LINGO2: variants seen among roughly 807,000 people sequenced by gnomAD.
The protein encoded by LINGO2 is leucine-rich repeat and immunoglobulin-like domain-containing nogo receptor-interacting protein 2.
LINGO2 carries 14 observed loss-of-function variants against 30.6 expected under a neutral mutation model. The observed-to-expected ratio is 0.46, with a 90% confidence interval of 0.30 to 0.72. The LOEUF (loss-of-function observed/expected upper bound fraction) is 0.72, where lower values mean the gene tolerates loss of function less well. Ranked by LOEUF, LINGO2 falls within the 30% of genes least tolerant of loss-of-function variation. The probability of loss-of-function intolerance (pLI) is 0.07; values close to 1 mark genes in which losing one functional copy is unlikely to be tolerated. For missense variants in LINGO2, 729 were observed against 751.7 expected (o/e 0.97, Z 0.35); for synonymous variants, 317 against 288.5 (o/e 1.10, Z -1.00).
chr9:28,609,093 A>C (rs1825806555), intron 1 of LINGO2, among the ~76,000 whole-genome samples: 1 of 151,842 alleles, frequency 6.6e-6, no homozygotes, highest in South Asian at 2.1e-4. Flanking sequence ...GAAATCTAGA[A>C]CATATGCATC....
chr9:28,730,262 G>A, the LINGO2 span, among the ~76,000 whole-genome samples: 158 of 152,222 alleles, frequency 1.0e-3, no homozygotes, highest in African/African-American at 3.2e-3. Context: ...GATAAGAGGC[G>A]TGTACAGACA....
chr9:28,647,426 T>G (rs1040900498), intron 1 of LINGO2, among the ~76,000 whole-genome samples: 45 of 152,266 alleles, frequency 3.0e-4, no homozygotes, highest in African/African-American at 1.0e-3. Flanking sequence ...TCGGTGAGCT[T>G]TTGTGAGTGA....
At chr9:27,964,251 A>T (rs1034266771) in intron 5 of LINGO2, among the ~76,000 whole-genome samples, 6 of 151,998 alleles carry the variant, frequency 3.9e-5, no homozygotes, top group Admixed American at 3.9e-4. Context: ...ATTATAACAT[A>T]TTTTTTTCTA....
chr9:28,706,227 C>A, the LINGO2 span, among the ~76,000 whole-genome samples: 5 of 152,042 alleles, frequency 3.3e-5, no homozygotes, highest in Non-Finnish European at 7.4e-5. Flanking sequence ...CGGTTTCAAA[C>A]AGTGCATTTA....
the LINGO2 span, among the ~76,000 whole-genome samples, chr9:29,136,138 A>G: frequency 6.6e-6 from 1 of 152,112 alleles, no homozygotes; most frequent in African/African-American, 2.4e-5. Context: ...ACTTGTCCCA[A>G]TTTCAAGTAA....
chr9:27,996,016 G>T (rs532256138), intron 5 of LINGO2, among the ~76,000 whole-genome samples: 21 of 151,966 alleles, frequency 1.4e-4, no homozygotes, highest in South Asian at 2.1e-4. Flanking sequence ...ATTCAGTAAG[G>T]TTGCAGTAAA....
chr9:27,958,709 T>C (rs976618148), intron 5 of LINGO2, among the ~76,000 whole-genome samples: 2 of 152,154 alleles, frequency 1.3e-5, no homozygotes, highest in African/African-American at 4.8e-5. Context: ...TTGTAGGGTT[T>C]GGTAGTATCT....
chr9:28,887,914 A>G, the LINGO2 span, among the ~76,000 whole-genome samples: 7 of 152,164 alleles, frequency 4.6e-5, no homozygotes, highest in Non-Finnish European at 1.5e-5. Context: ...TAAAGGCTGC[A>G]CATTGTTTTA....
intron 4 of LINGO2, among the ~76,000 whole-genome samples, chr9:28,294,776 T>C (rs1443799828): frequency 6.6e-6 from 1 of 152,334 alleles, no homozygotes; most frequent in East Asian, 1.9e-4. Flanking sequence ...TATAATCTTC[T>C]GAATTGGAGT....
the LINGO2 span, among the ~76,000 whole-genome samples, chr9:28,714,697 T>C: frequency 6.6e-6 from 1 of 152,170 alleles, no homozygotes; most frequent in Admixed American, 6.6e-5. Flanking sequence ...GATAGTATAA[T>C]TAATTTTCCA....
chr9:28,875,475 A>G, the LINGO2 span, among the ~76,000 whole-genome samples: 1 of 152,258 alleles, frequency 6.6e-6, no homozygotes, highest in African/African-American at 2.4e-5. Flanking sequence ...CTCAAGAAAT[A>G]TAACAATACC....
intron 4 of LINGO2, among the ~76,000 whole-genome samples, chr9:28,160,692 T>G (rs1828260906): frequency 1.3e-5 from 2 of 152,198 alleles, no homozygotes; most frequent in Non-Finnish European, 2.9e-5. Flanking sequence ...TAAAGAACAG[T>G]AATTTTTTCC....
At chr9:27,981,471 G>A (rs1353578637) in intron 5 of LINGO2, among the ~76,000 whole-genome samples, 2 of 137,278 alleles carry the variant, frequency 1.5e-5, no homozygotes, top group Admixed American at 1.6e-4. Context: ...CAGAATGAGG[G>A]TTATTTTGAA....
At chr9:29,144,422 C>T in the LINGO2 span, among the ~76,000 whole-genome samples, 1 of 151,586 alleles carries the variant, frequency 6.6e-6, no homozygotes, top group Non-Finnish European at 1.5e-5. Flanking sequence ...AAGGTAATTA[C>T]TTGCAAACAG....
chr9:28,898,595 A>T, the LINGO2 span, among the ~76,000 whole-genome samples: 5 of 151,864 alleles, frequency 3.3e-5, no homozygotes, highest in East Asian at 1.9e-4. Context: ...CTTTTTTTTT[A>T]AAATACATAT....
chr9:28,188,688 G>T (rs1040408384), intron 4 of LINGO2, among the ~76,000 whole-genome samples: 1 of 152,134 alleles, frequency 6.6e-6, no homozygotes, highest in South Asian at 2.1e-4. Flanking sequence ...AATGTTTGGA[G>T]TATGGTGACA....
chr9:28,253,941 T>C (rs1822295156), intron 4 of LINGO2, among the ~76,000 whole-genome samples: 1 of 152,122 alleles, frequency 6.6e-6, no homozygotes, highest in African/African-American at 2.4e-5. Context: ...GGGTGGAACC[T>C]GGGATTCAGT....
chr9:28,869,522 T>A, the LINGO2 span, among the ~76,000 whole-genome samples: 36 of 151,826 alleles, frequency 2.4e-4, no homozygotes, highest in Non-Finnish European at 4.7e-4. Context: ...GTGTCTGAAT[T>A]AGGAACTACA....
Position 28,297,253 on chromosome 9 carries a change from T to G in LINGO2, c.-245-1887A>C, listed in dbSNP as rs74988768. 0.016 allele frequency among the ~76,000 whole-genome samples: 2,421 copies of G among 152,290 alleles called. 144 individuals carry two copies. The East Asian group carries it at 0.19, about 12-fold the overall frequency. On this transcript the variant is annotated intron_variant, in intron 3 of 5. Transcript: ENST00000379992. ...ACTTGCTTTATAAAATGGCTATATT[T>G]TATTACACAGAAATGATGCTATTGA...
Sources: gnomAD v4.1 joint callset for allele counts (sites outside exome capture counted in the v4.1 genomes callset) on GRCh38, gnomAD v4.1.1 for gene constraint, MANE v1.5 for transcripts, NCBI Gene and HGNC (gene_info 2026-07-23, HGNC 2026-07-21) for gene names.